SCN9A: variants seen among roughly 807,000 people sequenced by gnomAD.
SCN9A encodes sodium voltage-gated channel alpha subunit 9.
A neutral mutation model predicts 187.0 loss-of-function variants in SCN9A; 131 were observed. The ratio of observed to expected loss-of-function variants is 0.70; its 90% CI spans 0.61 to 0.81. SCN9A has a LOEUF of 0.81. Ranked by LOEUF, SCN9A falls within the 30% of genes least tolerant of loss-of-function variation. The probability of loss-of-function intolerance (pLI) is 0.00; values close to 1 mark genes in which losing one functional copy is unlikely to be tolerated. For synonymous variants in SCN9A, 809 were observed against 808.6 expected (o/e 1.00, Z -0.01); for missense variants, 2,252 against 2,396.6 (o/e 0.94, Z 1.26).
At chr2:166,287,903 C>T (rs1258698434) in intron 10 of SCN9A, among the ~76,000 whole-genome samples, 1 of 149,632 alleles carries the variant, frequency 6.7e-6, no homozygotes, top group African/African-American at 2.5e-5. Context: ...CATGAAACCA[C>T]TGTATACAAT....
rs1398006994 is a variant in SCN9A at position 166,288,490 on chromosome 2, A to T, written c.1261T>A (p.Leu421Ile). The change falls in exon 10 of 27, where the codon TTA (leucine) becomes ATA (isoleucine). Residue 421 changes from leucine to isoleucine, a missense_variant. Physicochemically the swap from Leu to Ile is conservative, Grantham distance 5 (BLOSUM62 2). Around this residue, in one of 7 missense-constraint regions of SCN9A, gnomAD observed 1,013 missense variants for 997.4 expected, o/e 1.02. Coordinates refer to ENST00000642356, the MANE Select transcript of SCN9A (RefSeq NM_001365536.1). ...ANIEEAKQKE[L>I]EFQQMLDRLK... is the part of the protein sequence containing the mutation. ...CGGTCTAACATCTGTTGAAATTCTA[A>T]TTCTTTCTGTTTAGCTTCTTCAATG... 14 of 1,613,028 alleles carry T rather than the reference A, an allele frequency of 8.7e-6. No homozygotes were observed. Among genetic ancestry groups the T allele is most frequent in the Non-Finnish European group, 1.2e-5 (14 of 1,179,306 alleles).
chr2:166,286,608 C>T lies in SCN9A; in HGVS notation c.1330G>A (p.Ala444Thr). Reference protein sequence around the residue: ...QEEAEAIAAAAAEYTSIRRSR... With the variant: ...QEEAEAIAAATAEYTSIRRSR... ...CTCCTAATACTTGTATATTCAGCCG[C>T]TGCCGCTGCAATTGCCTGGTTGGGC... The change falls in exon 11 of 27, where the codon GCG (alanine) becomes ACG (threonine). Residue 444 changes from alanine (A) to threonine (T), a missense_variant. This residue lies in a region of SCN9A where 1,013 missense variants were observed against 997.4 expected (regional missense o/e 1.02). Coordinates refer to ENST00000642356, the MANE Select transcript of SCN9A (RefSeq NM_001365536.1). 6.4e-7 allele frequency: 1 copy of T among 1,553,488 alleles called. No homozygotes were observed. Among genetic ancestry groups the T allele is most frequent in the Non-Finnish European group, 8.7e-7 (1 of 1,155,012 alleles).
At chr2:166,275,088 C>T (rs1407402613) in intron 16 of SCN9A, among the ~76,000 whole-genome samples, 1 of 152,108 alleles carries the variant, frequency 6.6e-6, no homozygotes, top group East Asian at 1.9e-4. Context: ...TAAACAATAC[C>T]TAAATACCTT....
At chr2:166,202,031 C>A (rs1168616226) in intron 26 of SCN9A, among the ~76,000 whole-genome samples, 1 of 151,674 alleles carries the variant, frequency 6.6e-6, no homozygotes, top group Non-Finnish European at 1.5e-5. Context: ...GGGATTTTTA[C>A]TATATTCTTA....
rs1693396225 is a variant in SCN9A, at chr2:166,199,818, G to C, written c.4821C>G (p.Thr1607=). The change falls in exon 27 of 27, where the codon ACC becomes ACG. Residue 1607 remains threonine, a synonymous_variant. Transcript: ENST00000642356. ...DLIETYFVSP[T]LFRVIRLARI... is the part of the protein sequence containing the mutation. Reference sequence around the variant, plus strand: ...TGGCAAGACGGATCACTCGGAACAGGGTAGGGGACACAAAATACGTTTCAA... The same window carrying C: ...TGGCAAGACGGATCACTCGGAACAGCGTAGGGGACACAAAATACGTTTCAA... 6.2e-7 allele frequency: 1 copy of C among 1,613,644 alleles called. No homozygotes were observed. The highest frequency in any genetic ancestry group is 1.7e-5 in the Admixed American group (1 of 59,964).
At chr2:166,240,837 G>A (rs1041790629) in intron 19 of SCN9A, among the ~76,000 whole-genome samples, 4 of 152,100 alleles carry the variant, frequency 2.6e-5, no homozygotes, top group Admixed American at 1.3e-4. Context: ...TGAGACATGA[G>A]GTAGGGTCTC....
intron 17 of SCN9A, 34 bp downstream of exon 17, chr2:166,272,365 A>C: frequency 7.9e-7 from 1 of 1,269,560 alleles, no homozygotes; most frequent in South Asian, 1.6e-5. Context: ...ACTAATTGTT[A>C]ATATGAAACA....
At chr2:166,216,058 C>T (rs1033504600) in intron 24 of SCN9A, among the ~76,000 whole-genome samples, 1 of 151,972 alleles carries the variant, frequency 6.6e-6, no homozygotes, top group Non-Finnish European at 1.5e-5. Context: ...TGGGATTTAT[C>T]TGAGGGATGC....
chr2:166,350,656 C>A (rs1469634046), intron 1 of SCN9A, among the ~76,000 whole-genome samples: 1 of 152,134 alleles, frequency 6.6e-6, no homozygotes, highest in African/African-American at 2.4e-5. Flanking sequence ...AGAATTAGAA[C>A]TATATTTTAT....
At chr2:166,215,272 C>T (rs1158461052) in intron 24 of SCN9A, among the ~76,000 whole-genome samples, 1 of 151,516 alleles carries the variant, frequency 6.6e-6, no homozygotes, top group Non-Finnish European at 1.5e-5. Context: ...CACAAGATAA[C>T]AAATAGTATG....
intron 1 of SCN9A, among the ~76,000 whole-genome samples, chr2:166,369,663 T>G (rs1038687637): frequency 6.6e-6 from 1 of 152,166 alleles, no homozygotes; most frequent in African/African-American, 2.4e-5. Flanking sequence ...CCCATAATAT[T>G]TACCTAGAAG....
chr2:166,364,358 G>T (rs7590179), intron 1 of SCN9A, among the ~76,000 whole-genome samples: 87,249 of 151,828 alleles, frequency 0.57, 26,680 homozygotes, highest in African/African-American at 0.78. Context: ...TAGAAGGGAC[G>T]CATGTAGTTA....
chr2:166,275,728 C>T (rs1463464629), intron 16 of SCN9A, among the ~76,000 whole-genome samples: 1 of 152,114 alleles, frequency 6.6e-6, no homozygotes, highest in Non-Finnish European at 1.5e-5. Context: ...TTATTTATTA[C>T]TACAACTTGA....
chr2:166,375,697 T>C lies in SCN9A; in HGVS notation c.-51A>G, dbSNP rs1315635791. 1 of 152,350 alleles carries C rather than the reference T, an allele frequency of 6.6e-6. No individual in the cohort carries two copies. The highest frequency in any genetic ancestry group is 1.9e-4 in the East Asian group (1 of 5,174). 9.4% of individuals were successfully genotyped at this position (152,350 alleles called of 1,614,324 possible). A position where few individuals can be genotyped will look rare whatever the true frequency, so the allele number is the denominator to read the frequency against. ...AAGCAGCAAAAGAAAAGGCACTTACTTGCAACCTAGCCCGCCGATCATCCC... is the reference window on the plus strand; with the variant it reads ...AAGCAGCAAAAGAAAAGGCACTTACCTGCAACCTAGCCCGCCGATCATCCC... On this transcript the variant is annotated splice_region_variant and 5_prime_UTR_variant, in exon 1 of 27. Transcript: ENST00000642356.
chr2:166,206,807 T>C (rs1693828624), intron 24 of SCN9A, among the ~76,000 whole-genome samples: 1 of 152,114 alleles, frequency 6.6e-6, no homozygotes, highest in Admixed American at 6.6e-5. Flanking sequence ...TTCAAGAAAC[T>C]CTTTGACTAC....
rs749848631 is a variant in SCN9A at position 166,199,482 on chromosome 2, T to A, written c.5157A>T (p.Lys1719Asn). Residue 1719 changes from lysine (K) to asparagine (N), a missense_variant, in exon 27 of 27, where the codon AAA (lysine) becomes AAT (asparagine). Physicochemically the swap from Lys to Asn is moderately conservative, Grantham distance 94 (BLOSUM62 0). Transcript: ENST00000642356. Reference protein sequence around the residue: ...NSKPPDCDPKKVHPGSSVEGD... With the variant: ...NSKPPDCDPKNVHPGSSVEGD... ...CTTCAACTGAACTTCCAGGATGAAC[T>A]TTTTTTGGGTCACAGTCGGGTGGCT... is the stretch of plus-strand genomic sequence containing the variant. The A allele has an allele frequency of 3.1e-6, 5 of 1,614,028 alleles. No homozygotes were observed. Among genetic ancestry groups the A allele is most frequent in the Admixed American group, 1.7e-5 (1 of 60,000 alleles).
chr2:166,255,282 T>C (rs1375365387), intron 17 of SCN9A, among the ~76,000 whole-genome samples: 1 of 151,574 alleles, frequency 6.6e-6, no homozygotes, highest in African/African-American at 2.4e-5. Flanking sequence ...TTAAAAGCTT[T>C]ATTATTCTTC....
rs1451786850 is a variant in SCN9A, at chr2:166,197,793, G to A, written c.*879C>T. On this transcript the variant is annotated 3_prime_UTR_variant, in exon 27 of 27. Coordinates refer to ENST00000642356, the MANE Select transcript of SCN9A (RefSeq NM_001365536.1). ...TTTAAGAGACTATTATCAGTATTTT[G>A]GGCAGCACAGTCAAATGTTAGGCTA... 2.0e-5 allele frequency: 3 copies of A among 152,104 alleles called. No homozygotes were observed. Among genetic ancestry groups the A allele is most frequent in the African/African-American group, 7.2e-5 (3 of 41,428 alleles). The allele number at this position is 152,104 out of a possible 1,614,324, so 9.4% of individuals were successfully genotyped here.
At position 166,195,533 on chromosome 2, in the gene SCN9A, T is replaced by C. The variant is rs1267235187; in HGVS notation, c.*3139A>G. 6.6e-6 allele frequency: 1 copy of C among 152,196 alleles called. No homozygotes were observed. The highest frequency in any genetic ancestry group is 1.5e-5 in the Non-Finnish European group (1 of 68,026). The allele number at this position is 152,196 out of a possible 1,614,324, so 9.4% of individuals were successfully genotyped here. On this transcript the variant is annotated 3_prime_UTR_variant, in exon 27 of 27. Coordinates refer to ENST00000642356, the MANE Select transcript of SCN9A (RefSeq NM_001365536.1). ...CTTTCAGCACTTCTATTAACATTTC[T>C]CTGAAATAGCTATTTAGAACTGCTT...
Sources: gnomAD v4.1 joint callset for allele counts (sites outside exome capture counted in the v4.1 genomes callset) on GRCh38, gnomAD v4.1.1 for gene constraint, gnomAD v4.1.1 regional missense constraint, MANE v1.5 for transcripts, NCBI Gene and HGNC (gene_info 2026-07-23, HGNC 2026-07-21) for gene names.